PDE4D: variants seen among roughly 807,000 people sequenced by gnomAD.
The protein encoded by PDE4D is 3',5'-cyclic-AMP phosphodiesterase 4D.
Under a neutral mutation model 87.4 loss-of-function variants are expected in PDE4D, and 24 were observed. The observed-to-expected ratio is 0.27, with a 90% confidence interval of 0.20 to 0.39. The LOEUF is 0.39. Ranked by LOEUF, PDE4D falls within the 10% of genes least tolerant of loss-of-function variation. The pLI, the probability that PDE4D is intolerant of heterozygous loss-of-function variation, is 1.00. For missense variants in PDE4D, 714 were observed against 1,041.0 expected, an observed-to-expected ratio of 0.69 and a Z score of 4.32; for synonymous variants, 384 against 383.2, an observed-to-expected ratio of 1.00 and a Z score of -0.02.
intron 1 of PDE4D, among the ~76,000 whole-genome samples, chr5:60,374,208 G>A (rs1363862): frequency 0.4 from 61,145 of 151,902 alleles, 14,755 homozygotes; most frequent in African/African-American, 0.67. Context: ...ACTGAGTGTT[G>A]GCATCATAAT....
At chr5:60,389,540 A>G (rs1315711790) in intron 1 of PDE4D, among the ~76,000 whole-genome samples, 7 of 152,204 alleles carry the variant, frequency 4.6e-5, no homozygotes, top group African/African-American at 1.4e-4. Flanking sequence ...GCTGAAAGTA[A>G]CAACAGTGAT....
chr5:59,373,883 C>T (rs1489519885), intron 1 of PDE4D, among the ~76,000 whole-genome samples: 2 of 152,140 alleles, frequency 1.3e-5, no homozygotes, highest in Non-Finnish European at 2.9e-5. Context: ...ATTCACAATT[C>T]TTAAAAAGAA....
chr5:60,141,218 T>C (rs1413686721), intron 2 of PDE4D, among the ~76,000 whole-genome samples: 1 of 151,830 alleles, frequency 6.6e-6, no homozygotes, highest in Non-Finnish European at 1.5e-5. Context: ...ATCTTGGGGG[T>C]GGGTGACAGA....
intron 1 of PDE4D, among the ~76,000 whole-genome samples, chr5:60,274,681 A>C (rs533740047): frequency 9.9e-5 from 15 of 152,184 alleles, no homozygotes; most frequent in Non-Finnish European, 2.2e-4. Flanking sequence ...TTTAAAGAGA[A>C]CAAGAAGTAT....
chr5:59,744,778 T>A (rs907240765), intron 1 of PDE4D, among the ~76,000 whole-genome samples: 1 of 152,198 alleles, frequency 6.6e-6, no homozygotes, highest in African/African-American at 2.4e-5. Flanking sequence ...TGGGTCATAA[T>A]AATAGTAATC....
At chr5:59,154,257 A>G (rs1445763102) in intron 5 of PDE4D, among the ~76,000 whole-genome samples, 4 of 152,228 alleles carry the variant, frequency 2.6e-5, no homozygotes, top group African/African-American at 9.6e-5. Flanking sequence ...CATTTAAGAA[A>G]GTAGTTCTCT....
intron 1 of PDE4D, among the ~76,000 whole-genome samples, chr5:59,636,227 A>G (rs1193917426): frequency 1.3e-5 from 2 of 152,236 alleles, no homozygotes; most frequent in East Asian, 3.9e-4. Flanking sequence ...CAAGGAAATA[A>G]GAGAAGACAC....
chr5:59,335,970 A>T (rs1315382675), intron 1 of PDE4D, among the ~76,000 whole-genome samples: 2 of 152,242 alleles, frequency 1.3e-5, no homozygotes, highest in African/African-American at 4.8e-5. Context: ...ATTCCTATTC[A>T]TAAACTGAGA....
At chr5:60,418,885 A>G (rs1742852034) in intron 1 of PDE4D, among the ~76,000 whole-genome samples, 1 of 151,418 alleles carries the variant, frequency 6.6e-6, no homozygotes, top group Non-Finnish European at 1.5e-5. Flanking sequence ...TATTTGTTAT[A>G]ACAAGAAACT....
At chr5:60,504,450 G>T (rs952690548) in intron 1 of PDE4D, among the ~76,000 whole-genome samples, 1 of 152,002 alleles carries the variant, frequency 6.6e-6, no homozygotes, top group African/African-American at 2.4e-5. Flanking sequence ...TATAGTACAA[G>T]CAGCTCTTGA....
intron 3 of PDE4D, among the ~76,000 whole-genome samples, chr5:59,190,751 C>G (rs896409150): frequency 6.6e-6 from 1 of 152,158 alleles, no homozygotes; most frequent in East Asian, 1.9e-4. Context: ...GAAGGCCACT[C>G]AAACATACTC....
intron 5 of PDE4D, among the ~76,000 whole-genome samples, chr5:59,095,841 G>A (rs1295851876): frequency 6.6e-6 from 1 of 152,150 alleles, no homozygotes; most frequent in African/African-American, 2.4e-5. Context: ...AGAGTTTCCA[G>A]AAACAGAAAC....
chr5:59,434,784 C>T (rs560032520), intron 1 of PDE4D, among the ~76,000 whole-genome samples: 1 of 152,090 alleles, frequency 6.6e-6, no homozygotes, highest in Non-Finnish European at 1.5e-5. Context: ...AATAACCAGA[C>T]AATAACTGCT....
At chr5:60,378,313 G>A (rs1246965090) in intron 1 of PDE4D, among the ~76,000 whole-genome samples, 2 of 152,222 alleles carry the variant, frequency 1.3e-5, no homozygotes, top group East Asian at 1.9e-4. Flanking sequence ...CAACCACAGT[G>A]CAATTAGCTC....
chr5:59,322,874 G>T (rs1300812675), intron 1 of PDE4D, among the ~76,000 whole-genome samples: 2 of 152,120 alleles, frequency 1.3e-5, no homozygotes, highest in South Asian at 4.1e-4. Flanking sequence ...GCAGCCTGAA[G>T]CAGCACTATT....
At chr5:59,447,985 G>A (rs920016593) in intron 1 of PDE4D, among the ~76,000 whole-genome samples, 4 of 152,192 alleles carry the variant, frequency 2.6e-5, no homozygotes, top group African/African-American at 4.8e-5. Flanking sequence ...CAAGTAATGA[G>A]AGCAAGAAAT....
chr5:59,454,601 G>T (rs1365849075), intron 1 of PDE4D, among the ~76,000 whole-genome samples: 1 of 152,260 alleles, frequency 6.6e-6, no homozygotes, highest in East Asian at 1.9e-4. Context: ...GAGTAAACTG[G>T]TACCAGTAGA....
intron 3 of PDE4D, among the ~76,000 whole-genome samples, chr5:59,903,103 T>C (rs1007591965): frequency 2.0e-5 from 3 of 152,156 alleles, no homozygotes; most frequent in African/African-American, 7.2e-5. Context: ...TATTCCTAAA[T>C]ATCTATCCCC....
At chr5:59,967,630 G>A (rs1044957859) in intron 3 of PDE4D, among the ~76,000 whole-genome samples, 1 of 152,164 alleles carries the variant, frequency 6.6e-6, no homozygotes, top group African/African-American at 2.4e-5. Context: ...AAAAGGGAAT[G>A]CTTATACACC....
Sources: allele counts gnomAD v4.1 joint callset (sites outside exome capture counted in the v4.1 genomes callset), GRCh38; gene constraint gnomAD v4.1.1; transcripts MANE v1.5; gene names NCBI Gene and HGNC (gene_info 2026-07-23, HGNC 2026-07-21).